The following CSMD3 variants were observed in gnomAD, a reference collection of about 807,000 sequenced individuals.
CSMD3 encodes CUB and Sushi multiple domains 3.
A neutral mutation model predicts 435.2 loss-of-function variants in CSMD3; 177 were observed. That is an observed-to-expected ratio of 0.41 (90% CI 0.36 to 0.46). CSMD3 has a LOEUF of 0.46. Among genes scored for constraint, CSMD3 ranks in the 20% least tolerant of loss-of-function variants. The pLI, the probability that CSMD3 is intolerant of heterozygous loss-of-function variation, is 0.34. For missense variants in CSMD3, 4,265 were observed against 4,504.6 expected (o/e 0.95, Z 1.52); for synonymous variants, 1,656 against 1,520.5 (o/e 1.09, Z -2.07).
At chr8:112,783,337 T>C (rs918764551) in intron 13 of CSMD3, among the ~76,000 whole-genome samples, 4 of 137,330 alleles carry the variant, frequency 2.9e-5, no homozygotes, top group Admixed American at 2.2e-4. Flanking sequence ...CACAAAAAAA[T>C]AGAAAGCCAA....
intron 28 of CSMD3, among the ~76,000 whole-genome samples, chr8:112,511,162 C>T (rs748149091): frequency 6.6e-6 from 1 of 152,114 alleles, no homozygotes; most frequent in Non-Finnish European, 1.5e-5. Flanking sequence ...TATGTTTACA[C>T]TATCTTGTAG....
Position 112,497,483 on chromosome 8 carries a change from ATAT to A in CSMD3, c.5084-4803_5084-4801del, listed in dbSNP as rs1265614332. 1.8e-4 allele frequency among the ~76,000 whole-genome samples: 5 copies of A among 27,112 alleles called. No homozygotes were observed. The African/African-American group carries it at 3.2e-3, about 17-fold the overall frequency. 17.8% of individuals were successfully genotyped at this position (27,112 alleles called of 152,430 possible). ...AAAATATCTCATGTACTCCATAAAT[ATAT>A]ATATATATATATATATACCTACTAT... On this transcript the variant is annotated intron_variant, in intron 30 of 70. Coordinates refer to ENST00000297405, the MANE Select transcript of CSMD3 (RefSeq NM_198123.2).
intron 16 of CSMD3, among the ~76,000 whole-genome samples, chr8:112,668,310 T>C (rs986977218): frequency 6.6e-6 from 1 of 152,164 alleles, no homozygotes; most frequent in Admixed American, 6.6e-5. Context: ...AAGACAGAGC[T>C]AAGTATTTTA....
intron 5 of CSMD3, among the ~76,000 whole-genome samples, chr8:113,046,000 A>G (rs1296153914): frequency 6.7e-6 from 1 of 149,516 alleles, no homozygotes; most frequent in African/African-American, 2.4e-5. Context: ...AAATGACTGA[A>G]TCGATTTACT....
At chr8:112,949,307 T>C (rs1224574147) in intron 8 of CSMD3, among the ~76,000 whole-genome samples, 1 of 152,030 alleles carries the variant, frequency 6.6e-6, no homozygotes, top group Non-Finnish European at 1.5e-5. Flanking sequence ...TTACCAACCA[T>C]ATCCTTCTTG....
intron 3 of CSMD3, among the ~76,000 whole-genome samples, chr8:113,255,798 G>A (rs1413731012): frequency 6.6e-6 from 1 of 151,654 alleles, no homozygotes; most frequent in Non-Finnish European, 1.5e-5. Context: ...GTCTCTAAGT[G>A]TATTTCCTAT....
At chr8:112,622,471 A>G (rs1834151152) in intron 22 of CSMD3, among the ~76,000 whole-genome samples, 1 of 152,146 alleles carries the variant, frequency 6.6e-6, no homozygotes, top group African/African-American at 2.4e-5. Flanking sequence ...CACTTTTTAA[A>G]CAATGTACAA....
chr8:113,126,674 G>C (rs1402411664), intron 4 of CSMD3, among the ~76,000 whole-genome samples: 1 of 151,852 alleles, frequency 6.6e-6, no homozygotes, highest in African/African-American at 2.4e-5. Flanking sequence ...AGAAGGAGGA[G>C]GAAGGGGAAG....
intron 23 of CSMD3, among the ~76,000 whole-genome samples, chr8:112,583,867 C>A (rs1316002712): frequency 6.6e-6 from 1 of 151,782 alleles, no homozygotes; most frequent in Non-Finnish European, 1.5e-5. Flanking sequence ...GTGAAATTTC[C>A]TTTCCACTTT....
chr8:112,654,492 T>G (rs959288984), intron 18 of CSMD3, among the ~76,000 whole-genome samples: 2 of 152,238 alleles, frequency 1.3e-5, no homozygotes, highest in African/African-American at 4.8e-5. Flanking sequence ...TCAACCTCAA[T>G]GTTTGTCAGC....
At chr8:112,320,051 A>G (rs1012593045) in intron 45 of CSMD3, 70 bp from the exon 46 acceptor site, 3 of 970,918 alleles carry the variant, frequency 3.1e-6, no homozygotes, top group African/African-American at 3.2e-5. Flanking sequence ...CAAAAAAACA[A>G]GAAAATTATG....
intron 6 of CSMD3, among the ~76,000 whole-genome samples, chr8:112,978,702 A>G (rs967349978): frequency 1.3e-5 from 2 of 151,946 alleles, no homozygotes; most frequent in African/African-American, 4.8e-5. Context: ...ATGTATTCCA[A>G]CCAGGTATTT....
chr8:113,280,293 T>C (rs1459894687), intron 2 of CSMD3, among the ~76,000 whole-genome samples: 1 of 151,912 alleles, frequency 6.6e-6, no homozygotes, highest in African/African-American at 2.4e-5. Flanking sequence ...TGTCTGGTCT[T>C]GGACTTTTTT....
chr8:112,390,940 T>G, intron 35 of CSMD3, 152 bp from the exon 36 acceptor site: 1 of 747,762 alleles, frequency 1.3e-6, no homozygotes, highest in Admixed American at 2.2e-5. Context: ...AAAATGAAGT[T>G]TTTGTATACC....
intron 5 of CSMD3, among the ~76,000 whole-genome samples, chr8:113,043,541 A>G (rs978170934): frequency 6.6e-6 from 1 of 152,142 alleles, no homozygotes; most frequent in Admixed American, 6.5e-5. Context: ...AGAGTAGAAA[A>G]TTATATTCCC....
intron 3 of CSMD3, among the ~76,000 whole-genome samples, chr8:113,179,416 T>G (rs1256058427): frequency 6.6e-6 from 1 of 151,788 alleles, no homozygotes; most frequent in Non-Finnish European, 1.5e-5. Flanking sequence ...TAGATCATTC[T>G]TGGTCTTAAA....
At chr8:112,436,219 G>C (rs1367126086) in intron 32 of CSMD3, among the ~76,000 whole-genome samples, 1 of 151,730 alleles carries the variant, frequency 6.6e-6, no homozygotes, top group Non-Finnish European at 1.5e-5. Context: ...CCTATCTTGA[G>C]AAACTGATCT....
intron 12 of CSMD3, among the ~76,000 whole-genome samples, chr8:112,803,606 G>T (rs1410613634): frequency 2.0e-5 from 3 of 151,498 alleles, no homozygotes; most frequent in African/African-American, 7.3e-5. Flanking sequence ...CTTGCTATTT[G>T]GAAAAAAAAT....
chr8:112,842,147 TG>T lies in CSMD3; in HGVS notation c.1756-12359del, dbSNP rs1328744703. Among the ~76,000 whole-genome samples the T allele has an allele frequency of 3.3e-5, 5 of 151,882 alleles. No homozygotes were observed. The East Asian group carries it at 7.8e-4, about 24-fold the overall frequency. ...AGCTATTCTTGAGGTGTTAGGTAGCTGGGGTAGGAGACAATGTTCCAGAAGG... is the reference window on the plus strand; with the variant it reads ...AGCTATTCTTGAGGTGTTAGGTAGCTGGGTAGGAGACAATGTTCCAGAAGG... On this transcript the variant is annotated intron_variant, in intron 11 of 70. Transcript: ENST00000297405.
Sources: gnomAD v4.1 joint callset for allele counts (sites outside exome capture counted in the v4.1 genomes callset) on GRCh38, gnomAD v4.1.1 for gene constraint, MANE v1.5 for transcripts, NCBI Gene and HGNC (gene_info 2026-07-23, HGNC 2026-07-21) for gene names.